The following CD200 variants were observed in gnomAD, a reference collection of about 807,000 sequenced individuals.
The protein encoded by CD200 is CD200 molecule, also known as OX-2 membrane glycoprotein.
Under a neutral mutation model 30.9 loss-of-function variants are expected in CD200, and 15 were observed. That is an observed-to-expected ratio of 0.49 (90% CI 0.32 to 0.75). The LOEUF (loss-of-function observed/expected upper bound fraction) is 0.75. Among genes scored for constraint, CD200 ranks in the 30% least tolerant of loss-of-function variants. CD200 has a pLI of 0.03. For synonymous variants in CD200, 134 were observed against 126.2 expected, an observed-to-expected ratio of 1.06 and a Z score of -0.41; for missense variants, 262 against 324.2, an observed-to-expected ratio of 0.81 and a Z score of 1.47.
intron 1 of CD200, chr3:112,333,668 G>A (rs2081048816): frequency 5.1e-6 from 5 of 985,306 alleles, no homozygotes; most frequent in Non-Finnish European, 6.0e-6. Flanking sequence ...CAAAAGCTGC[G>A]GCGGAGATAC....
intron 5 of CD200, among the ~76,000 whole-genome samples, chr3:112,352,796 A>C (rs1036206684): frequency 6.6e-6 from 1 of 152,232 alleles, no homozygotes; most frequent in Non-Finnish European, 1.5e-5. Flanking sequence ...ATGCCTAAGC[A>C]AACTTACAGT....
At chr3:112,336,364 A>G (rs2081117159) in intron 1 of CD200, among the ~76,000 whole-genome samples, 2 of 152,084 alleles carry the variant, frequency 1.3e-5, no homozygotes. Context: ...GCTGCTCCTG[A>G]GCCCACAGGA....
chr3:112,348,000 G>A (rs967582679), intron 4 of CD200, among the ~76,000 whole-genome samples, 170 bp downstream of exon 4: 3 of 152,068 alleles, frequency 2.0e-5, no homozygotes, highest in Admixed American at 6.6e-5. Flanking sequence ...AACAAATAAA[G>A]CAAGTTTTAC....
intron 5 of CD200, among the ~76,000 whole-genome samples, chr3:112,351,881 G>C (rs974142654): frequency 6.6e-6 from 1 of 152,186 alleles, no homozygotes; most frequent in African/African-American, 2.4e-5. Flanking sequence ...GCAGAGATCA[G>C]ATGGCGAGAC....
Position 112,349,758 on chromosome 3 carries a change from A to G in CD200, c.741A>G (p.Val247=). 6.2e-7 allele frequency: 1 copy of G among 1,612,118 alleles called. No homozygotes were observed. The highest frequency in any genetic ancestry group is 8.5e-7 in the Non-Finnish European group (1 of 1,178,934). The change falls in exon 5 of 6, where the codon GTA becomes GTG. Residue 247 remains valine (V), a synonymous_variant. Transcript: ENST00000315711. ...TATTGCTAAGCATTGTTTCCCTGGT[A>G]ATTCTTCTCGTCCTAATCTCAATCT... is the stretch of plus-strand genomic sequence containing the variant. ...VPLLLSIVSL[V]ILLVLISILL...
At position 112,361,878 on chromosome 3, in the gene CD200, C is replaced by G. The variant is rs1397150021; in HGVS notation, c.*328C>G. 6 of 357,096 alleles carry G rather than the reference C, an allele frequency of 1.7e-5. No homozygotes were observed. The highest frequency in any genetic ancestry group is 4.8e-5 in the East Asian group (1 of 20,976). The allele number at this position is 357,096 out of a possible 1,614,324, so 22.1% of individuals were successfully genotyped here. On this transcript the variant is annotated 3_prime_UTR_variant, in exon 6 of 6. Transcript: ENST00000315711. ...GACTTGGGCTCCTACTGGTGGGGAC[C>G]TCTGTTAGTCACTTTACCTCATCCA...
chr3:112,358,600 G>A (rs2081673895), intron 5 of CD200, among the ~76,000 whole-genome samples: 1 of 152,194 alleles, frequency 6.6e-6, no homozygotes, highest in South Asian at 2.1e-4. Flanking sequence ...TAGAGGGAGG[G>A]CAGTTCCTGT....
intron 3 of CD200, among the ~76,000 whole-genome samples, chr3:112,345,540 T>C (rs2081366073): frequency 6.6e-6 from 1 of 152,192 alleles, no homozygotes; most frequent in East Asian, 1.9e-4. Flanking sequence ...AGGACAATGG[T>C]GAGGGCAACA....
At chr3:112,361,429 A>G in intron 5 of CD200, 114 bp from the exon 6 acceptor site, 2 of 874,546 alleles carry the variant, frequency 2.3e-6, no homozygotes, top group Non-Finnish European at 3.9e-6. Context: ...GCCAATGAAT[A>G]TACACTAGAA....
Position 112,347,583 on chromosome 3 carries a change from C to G in CD200, c.447C>G (p.Tyr149Ter). 3 of 1,613,970 alleles carry G rather than the reference C, an allele frequency of 1.9e-6. No homozygotes were observed. Among genetic ancestry groups the G allele is most frequent in the Non-Finnish European group, 2.5e-6 (3 of 1,179,874 alleles). ...VYVQPIVSLH[Y>*]KFSEDHLNIT... Reference sequence around the variant, plus strand: ...TACAGCCCATAGTATCCCTTCACTACAAATTCTCTGAAGACCACCTAAATA... The same window carrying G: ...TACAGCCCATAGTATCCCTTCACTAGAAATTCTCTGAAGACCACCTAAATA... The change falls in exon 4 of 6, where the codon TAC (tyrosine) becomes TAG (stop). Residue 149 changes from tyrosine (Y) to a stop codon, truncating the protein, a stop_gained. Transcript: ENST00000315711. LOFTEE classifies it high-confidence loss of function.
At position 112,361,630 on chromosome 3, in the gene CD200, C is replaced by T. The variant is rs1405324410; in HGVS notation, c.*80C>T. ...AGAGAAAAGCAGGAGGAAAAGGGGC[C>T]ATTCTCCAAAGGACCTGAAAGAGCA... On this transcript the variant is annotated 3_prime_UTR_variant, in exon 6 of 6. Transcript: ENST00000315711. The T allele has an allele frequency of 1.1e-5, 14 of 1,313,664 alleles. No homozygotes were observed. Among genetic ancestry groups the T allele is most frequent in the Non-Finnish European group, 1.4e-5 (13 of 906,448 alleles). The allele number at this position is 1,313,664 out of a possible 1,614,324, so 81.4% of individuals were successfully genotyped here. A position where few individuals can be genotyped will look rare whatever the true frequency, so the allele number is the denominator to read the frequency against.
At chr3:112,359,871 A>C (rs1242884556) in intron 5 of CD200, among the ~76,000 whole-genome samples, 1 of 152,316 alleles carries the variant, frequency 6.6e-6, no homozygotes, top group East Asian at 1.9e-4. Flanking sequence ...GGATAACTTG[A>C]AAAGGATACC....
Position 112,344,972 on chromosome 3 carries a change from G to T in CD200, c.105G>T (p.Val35=), listed in dbSNP as rs1181041889. 7 of 1,610,450 alleles carry T rather than the reference G, an allele frequency of 4.3e-6. No individual in the cohort carries two copies. The highest frequency in any genetic ancestry group is 5.9e-6 in the Non-Finnish European group (7 of 1,177,836). ...VVLCTAQVQV[V]TQDEREQLYT... The stretch of plus-strand genomic sequence containing the variant: ...TTTATGATTCCATAGTGCAAGTGGT[G>T]ACCCAGGATGAAAGAGAGCAGCTGT... Residue 35 remains valine (V), a synonymous_variant, in exon 3 of 6, where the codon GTG becomes GTT. Transcript: ENST00000315711.
At chr3:112,332,910 G>T (rs2081027677), upstream of CD200, 3 of 436,852 alleles carry the variant, frequency 6.9e-6, no homozygotes, top group Non-Finnish European at 1.2e-5. Flanking sequence ...GCAGGAAAAT[G>T]GAAAAAAAAA....
Position 112,339,875 on chromosome 3 carries a change from G to A in CD200, c.13-1027G>A, listed in dbSNP as rs181136738. On this transcript the variant is annotated intron_variant, in intron 1 of 5. Transcript: ENST00000315711. ...TTAGCCAATGCTAGCATAATAGATG[G>A]TTGTAATCAATGATTAGCAGTCCTG... 2.3e-3 allele frequency among the ~76,000 whole-genome samples: 357 copies of A among 152,304 alleles called. 3 individuals are homozygous for A. The highest frequency in any genetic ancestry group is 8.0e-3 in the African/African-American group (331 of 41,564).
In CD200 at chr3:112,361,629, C is replaced by T; in HGVS notation, c.*79C>T. 2 of 1,317,166 alleles carry T rather than the reference C, an allele frequency of 1.5e-6. No homozygotes were observed. Among genetic ancestry groups the T allele is most frequent in the Non-Finnish European group, 1.1e-6 (1 of 909,574 alleles). The allele number at this position is 1,317,166 out of a possible 1,614,324, so 81.6% of individuals were successfully genotyped here. A position where few individuals can be genotyped will look rare whatever the true frequency, so the allele number is the denominator to read the frequency against. On this transcript the variant is annotated 3_prime_UTR_variant, in exon 6 of 6. Transcript: ENST00000315711. Reference sequence around the variant, plus strand: ...AAGAGAAAAGCAGGAGGAAAAGGGGCCATTCTCCAAAGGACCTGAAAGAGC... The same window carrying T: ...AAGAGAAAAGCAGGAGGAAAAGGGGTCATTCTCCAAAGGACCTGAAAGAGC...
chr3:112,344,777 G>A (rs535601013), intron 2 of CD200, among the ~76,000 whole-genome samples, 185 bp from the exon 3 acceptor site: 1 of 152,284 alleles, frequency 6.6e-6, no homozygotes, highest in South Asian at 2.1e-4. Flanking sequence ...TTTAAAGATT[G>A]AACAAACATA....
chr3:112,352,969 T>C (rs1176436975), intron 5 of CD200, among the ~76,000 whole-genome samples: 1 of 152,220 alleles, frequency 6.6e-6, no homozygotes, highest in Non-Finnish European at 1.5e-5. Context: ...CCCAGGAGAC[T>C]ACCACAGTAA....
chr3:112,339,923 A>T (rs1399895235), intron 1 of CD200, among the ~76,000 whole-genome samples: 1 of 152,208 alleles, frequency 6.6e-6, no homozygotes, highest in Admixed American at 6.5e-5. Flanking sequence ...GCATTTTGTG[A>T]ACCCCCAGGA....
Sources: gnomAD v4.1 joint callset for allele counts (sites outside exome capture counted in the v4.1 genomes callset) on GRCh38, gnomAD v4.1.1 for gene constraint, MANE v1.5 for transcripts, NCBI Gene and HGNC (gene_info 2026-07-23, HGNC 2026-07-21) for gene names.